Variants in UGT1A4 observed in about 807,000 individuals in gnomAD.
UGT1A4 encodes UDP-glucuronosyltransferase 1A4.
A neutral mutation model predicts 41.1 loss-of-function variants in UGT1A4; 32 were observed. The observed-to-expected ratio is 0.78, with a 90% confidence interval of 0.59 to 1.05. The LOEUF (loss-of-function observed/expected upper bound fraction) is 1.05, where lower values mean the gene tolerates loss of function less well. Ranked by LOEUF, UGT1A4 falls within the 50% of genes least tolerant of loss-of-function variation. The probability of loss-of-function intolerance (pLI) is 0.00; values close to 1 mark genes in which losing one functional copy is unlikely to be tolerated. For missense variants in UGT1A4, 748 were observed against 677.4 expected, an observed-to-expected ratio of 1.10 and a Z score of -1.16; for synonymous variants, 283 against 265.1, an observed-to-expected ratio of 1.07 and a Z score of -0.66.
rs540500479 is a variant in UGT1A4 at position 233,771,122 on chromosome 2, G to A, written c.1308-1140G>A. On this transcript the variant is annotated intron_variant, in intron 4 of 4. Coordinates refer to ENST00000373409, the MANE Select transcript of UGT1A4 (RefSeq NM_007120.3). ...GACAGCACTAAAGCACAAGGGATCCGACCCCATGATCCAAACACCTCCCAC... is the reference window on the plus strand; with the variant it reads ...GACAGCACTAAAGCACAAGGGATCCAACCCCATGATCCAAACACCTCCCAC... 7.1e-4 allele frequency: 108 copies of A among 152,186 alleles called. 1 individual carries two copies. The highest frequency in any genetic ancestry group is 2.5e-3 in the African/African-American group (104 of 41,518). 9.4% of individuals were successfully genotyped at this position (152,186 alleles called of 1,614,324 possible). A position where few individuals can be genotyped will look rare whatever the true frequency, so the allele number is the denominator to read the frequency against.
rs988153178 is a variant in UGT1A4, at chr2:233,772,888, GTGGTCCCACGGC to G, written c.*332_*343del. ...CTGTTTGGGAGTGCGGGATTCAAAG[GTGGTCCCACGGC>G]TGCCCCTACTGCAAATGGCAGTTTT... On this transcript the variant is annotated 3_prime_UTR_variant, in exon 5 of 5. Coordinates refer to ENST00000373409, the MANE Select transcript of UGT1A4 (RefSeq NM_007120.3). The G allele has an allele frequency of 1.9e-6, 1 of 534,950 alleles. No individual in the cohort carries two copies. The highest frequency in any genetic ancestry group is 1.9e-5 in the African/African-American group (1 of 51,616). 33.1% of individuals were successfully genotyped at this position (534,950 alleles called of 1,614,324 possible).
intron 2 of UGT1A4, 34 bp downstream of exon 2, chr2:233,767,199 T>C (rs2126030914): frequency 1.9e-6 from 3 of 1,613,616 alleles, no homozygotes; most frequent in East Asian, 4.5e-5. Flanking sequence ...CTCATATCTA[T>C]TTTCACAGGA....
chr2:233,760,435 C>G (rs2125984030), intron 1 of UGT1A4: 1 of 1,614,234 alleles, frequency 6.2e-7, no homozygotes, highest in Non-Finnish European at 8.5e-7. Flanking sequence ...CATCCAGCAG[C>G]TGCAGCAGAG....
chr2:233,745,071 G>C (rs981811501), intron 1 of UGT1A4, among the ~76,000 whole-genome samples: 2 of 151,782 alleles, frequency 1.3e-5, no homozygotes. Flanking sequence ...TATTTGTATT[G>C]TTTTTTCATT....
At chr2:233,753,025 C>CA in intron 1 of UGT1A4, among the ~76,000 whole-genome samples, 1 of 152,200 alleles carries the variant, frequency 6.6e-6, no homozygotes, top group East Asian at 1.9e-4. Context: ...ATTTACAACA[C>CA]AAAAAACTAC....
chr2:233,737,660 A>G (rs535932919), intron 1 of UGT1A4, among the ~76,000 whole-genome samples: 3 of 152,292 alleles, frequency 2.0e-5, no homozygotes, highest in East Asian at 3.9e-4. Context: ...GGAGCTGCAG[A>G]TCGGAGCTGT....
Position 233,743,742 on chromosome 2 carries a change from C to A in UGT1A4, c.868-23292C>A, listed in dbSNP as rs377755645. 6 of 1,367,276 alleles carry A rather than the reference C, an allele frequency of 4.4e-6. No individual in the cohort carries two copies. The Admixed American group carries it at 1.1e-4, about 26-fold the overall frequency. The allele number at this position is 1,367,276 out of a possible 1,614,324, so 84.7% of individuals were successfully genotyped here. ...CGGTCATAGATATCGCGTTTCTTGG[C>A]GTCCGACAACACCTCGTAGGCCTCG... On this transcript the variant is annotated intron_variant, in intron 1 of 4. Coordinates refer to ENST00000373409, the MANE Select transcript of UGT1A4 (RefSeq NM_007120.3).
chr2:233,748,167 T>A, intron 1 of UGT1A4: 1 of 1,593,478 alleles, frequency 6.3e-7, no homozygotes, highest in Non-Finnish European at 8.5e-7. Context: ...CCATATCTAC[T>A]TATCTTTCTG....
At chr2:233,770,801 A>C (rs1025526475) in intron 4 of UGT1A4, 2 of 152,250 alleles carry the variant, frequency 1.3e-5, no homozygotes, top group African/African-American at 4.8e-5. Flanking sequence ...ATATGTTTAA[A>C]GACAGTGTAT....
chr2:233,731,071 A>T (rs1317636951), intron 1 of UGT1A4, among the ~76,000 whole-genome samples: 1 of 151,958 alleles, frequency 6.6e-6, no homozygotes, highest in Admixed American at 6.6e-5. Flanking sequence ...CATGATTTAG[A>T]TCCTTTTGTA....
chr2:233,737,385 T>G (rs1256116347), intron 1 of UGT1A4, among the ~76,000 whole-genome samples: 3 of 152,226 alleles, frequency 2.0e-5, no homozygotes, highest in Non-Finnish European at 4.4e-5. Flanking sequence ...AGAATCTCCT[T>G]GTCTGCCAGT....
At chr2:233,741,063 A>T (rs1349514104) in intron 1 of UGT1A4, among the ~76,000 whole-genome samples, 1 of 151,878 alleles carries the variant, frequency 6.6e-6, no homozygotes, top group Non-Finnish European at 1.5e-5. Flanking sequence ...ACAGCTACAG[A>T]GCGAGACCCT....
chr2:233,750,413 A>G, intron 1 of UGT1A4, among the ~76,000 whole-genome samples: 1 of 151,976 alleles, frequency 6.6e-6, no homozygotes, highest in East Asian at 1.9e-4. Context: ...ACCATGTGGT[A>G]GAAAAGAAAA....
At chr2:233,770,522 G>A (rs1294728713) in intron 4 of UGT1A4, 1 of 152,120 alleles carries the variant, frequency 6.6e-6, no homozygotes. Context: ...CCCAGGCATG[G>A]TGGTGTATGC....
At chr2:233,748,200 T>A (rs1186439065) in intron 1 of UGT1A4, 1 of 1,532,446 alleles carries the variant, frequency 6.5e-7, no homozygotes, top group Non-Finnish European at 8.8e-7. Flanking sequence ...CTGCTTGTCG[T>A]AATAGCCTTC....
chr2:233,756,378 T>C (rs367582243), intron 1 of UGT1A4: 2 of 152,250 alleles, frequency 1.3e-5, no homozygotes, highest in South Asian at 2.1e-4. Flanking sequence ...GCTATGTAAA[T>C]AGTTGTTTTA....
chr2:233,762,151 A>G (rs1420565083), intron 1 of UGT1A4, among the ~76,000 whole-genome samples: 1 of 152,124 alleles, frequency 6.6e-6, no homozygotes, highest in Non-Finnish European at 1.5e-5. Context: ...CTTTGCATTA[A>G]TCACATCCAC....
At chr2:233,744,237 T>A (rs1220461600) in intron 1 of UGT1A4, among the ~76,000 whole-genome samples, 1 of 151,784 alleles carries the variant, frequency 6.6e-6, no homozygotes, top group African/African-American at 2.4e-5. Context: ...GGGCCTTGAC[T>A]TTGGCTGCCT....
At chr2:233,757,567 T>TATATATATATATATATATATATA (rs1553619947) in intron 1 of UGT1A4, among the ~76,000 whole-genome samples, 8 of 142,914 alleles carry the variant, frequency 5.6e-5, no homozygotes, top group Non-Finnish European at 1.1e-4. Context: ...TATATGTATA[T>TATATATATATATATATATATATA]ATGATATAGC....
Sources: allele counts gnomAD v4.1 joint callset (sites outside exome capture counted in the v4.1 genomes callset), GRCh38; gene constraint gnomAD v4.1.1; transcripts MANE v1.5; gene names NCBI Gene and HGNC (gene_info 2026-07-23, HGNC 2026-07-21).